The following ADCY8 variants were observed in gnomAD, a reference collection of about 807,000 sequenced individuals.
ADCY8 encodes adenylate cyclase type 8.
Under a neutral mutation model 119.7 loss-of-function variants are expected in ADCY8, and 51 were observed. The ratio of observed to expected loss-of-function variants is 0.43; its 90% CI spans 0.34 to 0.54. The LOEUF is 0.54. Among genes scored for constraint, ADCY8 ranks in the 20% least tolerant of loss-of-function variants. The pLI is 0.03. For missense variants in ADCY8, 1,383 were observed against 1,598.8 expected (o/e 0.87, Z 2.30); for synonymous variants, 665 against 651.0 (o/e 1.02, Z -0.33).
At chr8:130,933,062 T>C (rs185732338) in intron 5 of ADCY8, among the ~76,000 whole-genome samples, 3 of 152,250 alleles carry the variant, frequency 2.0e-5, no homozygotes, top group East Asian at 3.9e-4. Context: ...TGGGGATTGA[T>C]GGTATCCTAA....
intron 15 of ADCY8, among the ~76,000 whole-genome samples, chr8:130,795,692 A>G (rs1243486813): frequency 6.6e-6 from 1 of 152,192 alleles, no homozygotes; most frequent in Non-Finnish European, 1.5e-5. Flanking sequence ...TCATCTCAAA[A>G]TTAATCAGGG....
In ADCY8 at chr8:130,909,851, C is replaced by T. The variant is rs1383751517; in HGVS notation, c.1497G>A (p.Arg499=). The change falls in exon 6 of 18, where the codon AGG becomes AGA. Residue 499 remains arginine, a synonymous_variant. Transcript: ENST00000286355. ...TCCTCATGTCAACATCGTGTTTTGTCCTTGACCGCACATACCTGTTGACAT... is the reference window on the plus strand; with the variant it reads ...TCCTCATGTCAACATCGTGTTTTGTTCTTGACCGCACATACCTGTTGACAT... ...MIKTIRYVRS[R]TKHDVDMRIG... 1 of 1,614,132 alleles carries T rather than the reference C, an allele frequency of 6.2e-7. No homozygotes were observed. Among genetic ancestry groups the T allele is most frequent in the South Asian group, 1.1e-5 (1 of 91,072 alleles).
intron 3 of ADCY8, 102 bp downstream of exon 3, chr8:130,951,766 G>A: frequency 7.1e-7 from 1 of 1,413,430 alleles, no homozygotes; most frequent in Non-Finnish European, 9.7e-7. Context: ...GATGAGGAAA[G>A]GTGCTGACAT....
chr8:130,794,314 G>C (rs946577097), intron 15 of ADCY8, among the ~76,000 whole-genome samples: 1 of 152,086 alleles, frequency 6.6e-6, no homozygotes, highest in African/African-American at 2.4e-5. Flanking sequence ...GTGCGATCTC[G>C]GCTCACTGCA....
rs552320216 is a variant in ADCY8, at chr8:130,787,381, G to A, written c.3061-1906C>T. Among the ~76,000 whole-genome samples, 12 of 152,270 alleles carry A rather than the reference G, an allele frequency of 7.9e-5. No homozygotes were observed. In the South Asian group the frequency reaches 1.2e-3, roughly 16 times the overall value. On this transcript the variant is annotated intron_variant, in intron 15 of 17. Coordinates refer to ENST00000286355, the MANE Select transcript of ADCY8 (RefSeq NM_001115.3). ...ATCAACAAGATTGGTGCTGTGTGGC[G>A]TTCCTGCAAATTAGCTTCTAACATT...
At chr8:130,903,277 C>T (rs1478632178) in intron 7 of ADCY8, among the ~76,000 whole-genome samples, 1 of 152,050 alleles carries the variant, frequency 6.6e-6, no homozygotes, top group Non-Finnish European at 1.5e-5. Flanking sequence ...TCCTCCTGAA[C>T]TCCCTAACTC....
chr8:130,963,731 T>A (rs913537701), intron 2 of ADCY8, among the ~76,000 whole-genome samples: 5 of 152,106 alleles, frequency 3.3e-5, no homozygotes, highest in Admixed American at 3.3e-4. Context: ...GCAACTCAGT[T>A]ACTTAGGATT....
At position 130,919,860 on chromosome 8, in the gene ADCY8, A is replaced by T. The variant is rs193026946; in HGVS notation, c.1482-9994T>A. On this transcript the variant is annotated intron_variant, in intron 5 of 17. Coordinates refer to ENST00000286355, the MANE Select transcript of ADCY8 (RefSeq NM_001115.3). ...GTGTCTTGCTTGTTTCTGTTGTGGC[A>T]ATGAGCTGAAGTCACTTCAACTATC... 1.9e-4 allele frequency among the ~76,000 whole-genome samples: 29 copies of T among 152,224 alleles called. 1 individual carries two copies. The East Asian group carries it at 4.4e-3, about 23-fold the overall frequency.
At chr8:130,915,305 C>A (rs1820093962) in intron 5 of ADCY8, among the ~76,000 whole-genome samples, 1 of 152,010 alleles carries the variant, frequency 6.6e-6, no homozygotes, top group Non-Finnish European at 1.5e-5. Context: ...AACTTAAATG[C>A]TTCAAAGGGT....
intron 2 of ADCY8, 58 bp downstream of exon 2, chr8:130,990,335 A>G (rs543382223): frequency 1.3e-6 from 2 of 1,587,008 alleles, no homozygotes; most frequent in Admixed American, 1.8e-5. Context: ...CAGTAGCTCC[A>G]TATAATTTAG....
At chr8:130,944,928 G>A (rs1203637174) in intron 3 of ADCY8, among the ~76,000 whole-genome samples, 1 of 152,174 alleles carries the variant, frequency 6.6e-6, no homozygotes, top group African/African-American at 2.4e-5. Flanking sequence ...TGGAAACAGT[G>A]CAGGGTGATG....
In ADCY8 at chr8:130,943,478, AGGGTGG is replaced by A. The variant is rs1821019336; in HGVS notation, c.1242-22_1242-17del. ...AAAAAGAATACTAAACACAGGGAAG[AGGGTGG>A]GGGTGGGGGGAGGAAGTATATTAAT... is the stretch of plus-strand genomic sequence containing the variant. On this transcript the variant is annotated splice_polypyrimidine_tract_variant and intron_variant, in intron 3 of 17. Coordinates refer to ENST00000286355, the MANE Select transcript of ADCY8 (RefSeq NM_001115.3). 2 of 132,366 alleles carry A rather than the reference AGGGTGG, an allele frequency of 1.5e-5. No individual in the cohort carries two copies. Among genetic ancestry groups the A allele is most frequent in the Admixed American group, 8.2e-5 (1 of 12,228 alleles). 8.2% of individuals were successfully genotyped at this position (132,366 alleles called of 1,614,324 possible).
chr8:130,946,825 C>T (rs776055184), intron 3 of ADCY8, among the ~76,000 whole-genome samples: 8 of 152,168 alleles, frequency 5.3e-5, no homozygotes, highest in Admixed American at 5.2e-4. Context: ...ACTCTCAAGC[C>T]ACCTCTCCAG....
At chr8:130,831,592 G>T (rs929371723) in intron 12 of ADCY8, among the ~76,000 whole-genome samples, 1 of 152,180 alleles carries the variant, frequency 6.6e-6, no homozygotes, top group Non-Finnish European at 1.5e-5. Flanking sequence ...GATTTCCCAT[G>T]GTTCGAATAC....
At chr8:131,022,789 T>G (rs1823713589) in intron 1 of ADCY8, among the ~76,000 whole-genome samples, 1 of 152,148 alleles carries the variant, frequency 6.6e-6, no homozygotes, top group Non-Finnish European at 1.5e-5. Context: ...TTTTCTTTCT[T>G]GTGTTTGTAT....
chr8:131,018,455 T>C (rs932426030), intron 1 of ADCY8, among the ~76,000 whole-genome samples: 4 of 152,230 alleles, frequency 2.6e-5, no homozygotes, highest in African/African-American at 9.6e-5. Flanking sequence ...GTTCTGTTCA[T>C]TCATTCAATA....
intron 3 of ADCY8, among the ~76,000 whole-genome samples, chr8:130,949,314 T>C (rs555754011): frequency 8.3e-4 from 126 of 152,256 alleles, no homozygotes; most frequent in African/African-American, 2.8e-3. Flanking sequence ...GAATTTTCCT[T>C]ATTTTTCTTT....
intron 5 of ADCY8, among the ~76,000 whole-genome samples, chr8:130,917,983 G>C (rs1323835242): frequency 6.6e-6 from 1 of 152,074 alleles, no homozygotes; most frequent in Admixed American, 6.5e-5. Context: ...TCACTGCCTG[G>C]ATTCAAAACC....
At chr8:130,973,054 C>T (rs1193037427) in intron 2 of ADCY8, among the ~76,000 whole-genome samples, 10 of 152,166 alleles carry the variant, frequency 6.6e-5, no homozygotes, top group African/African-American at 2.2e-4. Context: ...AAGGCTAATA[C>T]TAGTGCATTT....
Sources: gnomAD v4.1 joint callset for allele counts (sites outside exome capture counted in the v4.1 genomes callset) on GRCh38, gnomAD v4.1.1 for gene constraint, MANE v1.5 for transcripts, NCBI Gene and HGNC (gene_info 2026-07-23, HGNC 2026-07-21) for gene names.